TJP3: variants seen among roughly 807,000 people sequenced by gnomAD.
TJP3 encodes the protein tight junction protein 3, also known as tight junction protein ZO-3.
Under a neutral mutation model 104.2 loss-of-function variants are expected in TJP3, and 85 were observed. The observed-to-expected ratio is 0.82, with a 90% confidence interval of 0.68 to 0.98. The LOEUF is 0.98. Ranked by LOEUF, TJP3 falls within the 50% of genes least tolerant of loss-of-function variation. TJP3 has a pLI of 0.00. For synonymous variants in TJP3, 550 were observed against 550.6 expected, an observed-to-expected ratio of 1.00 and a Z score of 0.02; for missense variants, 1,367 against 1,322.8, an observed-to-expected ratio of 1.03 and a Z score of -0.52.
Position 3,750,812 on chromosome 19 carries a change from C to T in TJP3, c.*128C>T. On this transcript the variant is annotated 3_prime_UTR_variant, in exon 21 of 21. Transcript: ENST00000541714. Reference sequence around the variant, plus strand: ...TTTAATAAACAGAGTATTTTCACAGCACCGGCTTCTAGTGGCTTCCAGGAA... The same window carrying T: ...TTTAATAAACAGAGTATTTTCACAGTACCGGCTTCTAGTGGCTTCCAGGAA... 1 of 1,013,602 alleles carries T rather than the reference C, an allele frequency of 9.9e-7. No individual in the cohort carries two copies. The highest frequency in any genetic ancestry group is 1.5e-6 in the Non-Finnish European group (1 of 676,272). 62.8% of individuals were successfully genotyped at this position (1,013,602 alleles called of 1,614,324 possible).
intron 3 of TJP3, among the ~76,000 whole-genome samples, chr19:3,729,333 A>G (rs1599150994): frequency 6.6e-6 from 1 of 152,178 alleles, no homozygotes; most frequent in Non-Finnish European, 1.5e-5. Flanking sequence ...GACAGGTGAT[A>G]TGGCTCAGCC....
At chr19:3,720,151 G>C (rs1488953530) in intron 1 of TJP3, among the ~76,000 whole-genome samples, 3 of 152,226 alleles carry the variant, frequency 2.0e-5, no homozygotes, top group Admixed American at 2.0e-4. Flanking sequence ...TAAGTTGTCT[G>C]AGGTCACACA....
rs541861795 is a variant in TJP3, at chr19:3,746,267, C to T, written c.2010+186C>T. 2.5e-4 allele frequency among the ~76,000 whole-genome samples: 38 copies of T among 152,204 alleles called. No homozygotes were observed. The highest frequency in any genetic ancestry group is 8.4e-4 in the African/African-American group (35 of 41,522). ...ACAAGGGCTTCTCGGAGTCAAACAG[C>T]AGCCAGCCCTGGGCAAAGGCAGAGA... On this transcript the variant is annotated intron_variant, in intron 16 of 20. Coordinates refer to ENST00000541714, the MANE Select transcript of TJP3 (RefSeq NM_001267560.2). This position sits in a 1 kb window ranked among gnomAD's most constrained non-coding sequence, Gnocchi z 4.1.
Position 3,740,503 on chromosome 19 carries a change from C to A in TJP3, c.1632-49C>A, listed in dbSNP as rs921814107. 5 of 1,238,840 alleles carry A rather than the reference C, an allele frequency of 4.0e-6. No individual in the cohort carries two copies. In the African/African-American group the frequency reaches 6.2e-5, roughly 15 times the overall value. The allele number at this position is 1,238,840 out of a possible 1,614,324, so 76.7% of individuals were successfully genotyped here. A position where few individuals can be genotyped will look rare whatever the true frequency, so the allele number is the denominator to read the frequency against. Reference sequence around the variant, plus strand: ...GGTAGGACGAGGACGTCTTTGGGGCCACCATGCTGCTGACCCCAGTGCTCA... The same window carrying A: ...GGTAGGACGAGGACGTCTTTGGGGCAACCATGCTGCTGACCCCAGTGCTCA... On this transcript the variant is annotated intron_variant, in intron 13 of 20. Transcript: ENST00000541714.
At chr19:3,736,077 A>T in intron 10 of TJP3, 88 bp from the exon 11 acceptor site, 2 of 1,435,064 alleles carry the variant, frequency 1.4e-6, no homozygotes, top group Non-Finnish European at 1.9e-6. Flanking sequence ...TGAGGCCTGG[A>T]GGGGGTGGGG....
At chr19:3,742,585 C>G (rs534294324) in intron 14 of TJP3, among the ~76,000 whole-genome samples, 1 of 144,268 alleles carries the variant, frequency 6.9e-6, no homozygotes, top group South Asian at 2.3e-4. Flanking sequence ...GTGGATGGAC[C>G]TTGAGAAAAG....
rs369569292 is a variant in TJP3, at chr19:3,712,080, C to T, written c.-10+3519C>T. On this transcript the variant is annotated intron_variant, in intron 1 of 20. Transcript: ENST00000541714. ...CCTGTAATCCCAGCATTTTGGGAGGCCAAGGCAGGTGGGTCACTTGAGCCC... is the reference window on the plus strand; with the variant it reads ...CCTGTAATCCCAGCATTTTGGGAGGTCAAGGCAGGTGGGTCACTTGAGCCC... Among the ~76,000 whole-genome samples, 14 of 152,198 alleles carry T rather than the reference C, an allele frequency of 9.2e-5. No homozygotes were observed. The South Asian group carries it at 2.9e-3, about 32-fold the overall frequency.
chr19:3,738,036 GCTGTGT>G (rs1402970398), intron 11 of TJP3, among the ~76,000 whole-genome samples: 1 of 151,714 alleles, frequency 6.6e-6, no homozygotes, highest in Admixed American at 6.6e-5. Context: ...AGAGCAGGTG[GCTGTGT>G]CTGTATATTG....
Position 3,736,116 on chromosome 19 carries a change from C to T in TJP3, c.1128-49C>T, listed in dbSNP as rs372997257. ...TTCCCAAGGACAATGCTGAGCCCTC[C>T]CTTTGTCCGCCCACTCTGCTCTGAC... On this transcript the variant is annotated intron_variant, in intron 10 of 20. Transcript: ENST00000541714. 5.1e-6 allele frequency: 8 copies of T among 1,561,054 alleles called. No homozygotes were observed. In the East Asian group the frequency reaches 6.7e-5, roughly 13 times the overall value.
chr19:3,746,167 C>A lies in TJP3; in HGVS notation c.2010+86C>A. 1 of 1,322,694 alleles carries A rather than the reference C, an allele frequency of 7.6e-7. No individual in the cohort carries two copies. The highest frequency in any genetic ancestry group is 1.1e-6 in the Non-Finnish European group (1 of 940,414). The allele number at this position is 1,322,694 out of a possible 1,614,324, so 81.9% of individuals were successfully genotyped here. A position where few individuals can be genotyped will look rare whatever the true frequency, so the allele number is the denominator to read the frequency against. Reference sequence around the variant, plus strand: ...CCAACTGAATGTCCTGACCTGTTCTCAGCCCACACCCCACAAGTGCAGTCT... The same window carrying A: ...CCAACTGAATGTCCTGACCTGTTCTAAGCCCACACCCCACAAGTGCAGTCT... On this transcript the variant is annotated intron_variant, in intron 16 of 20. Transcript: ENST00000541714. This position sits in a 1 kb window ranked among gnomAD's most constrained non-coding sequence, Gnocchi z 4.1.
intron 1 of TJP3, among the ~76,000 whole-genome samples, chr19:3,724,112 C>T (rs377474757): frequency 3.3e-5 from 5 of 151,984 alleles, no homozygotes; most frequent in Non-Finnish European, 5.9e-5. Context: ...GAGACGAACC[C>T]GCACAAGCTG....
At chr19:3,718,824 T>C (rs2036515909) in intron 1 of TJP3, among the ~76,000 whole-genome samples, 2 of 152,026 alleles carry the variant, frequency 1.3e-5, no homozygotes, top group South Asian at 2.1e-4. Flanking sequence ...CCTTGACGTG[T>C]GCGGGCCGGT....
chr19:3,742,467 A>G (rs927359242), intron 14 of TJP3, among the ~76,000 whole-genome samples: 1 of 151,306 alleles, frequency 6.6e-6, no homozygotes, highest in Non-Finnish European at 1.5e-5. Context: ...GGAAGGGAAG[A>G]GATTAAGCTC....
Position 3,735,931 on chromosome 19 carries a change from C to CGTG in TJP3, c.1125_1127dup (p.Gly376dup). Reference sequence around the variant, plus strand: ...GCCCAGCAGTCAGAGCATGGAGGATCGTGGGTATGTACCCCAGAAGAAAGC... The same window carrying CGTG: ...GCCCAGCAGTCAGAGCATGGAGGATCGTGGTGGGTATGTACCCCAGAAGAAAGC... On this transcript the variant is annotated inframe_insertion, in exon 10 of 21. Transcript: ENST00000541714. 1 of 1,614,128 alleles carries CGTG rather than the reference C, an allele frequency of 6.2e-7. No individual in the cohort carries two copies. Among genetic ancestry groups the CGTG allele is most frequent in the Non-Finnish European group, 8.5e-7 (1 of 1,180,024 alleles).
At chr19:3,750,461 A>G in intron 20 of TJP3, 121 bp from the exon 21 acceptor site, 10 of 864,474 alleles carry the variant, frequency 1.2e-5, no homozygotes, top group Non-Finnish European at 1.8e-5. Context: ...CTACCCATGA[A>G]TGCCCAGATG....
Position 3,733,754 on chromosome 19 carries a change from T to A in TJP3, c.719T>A (p.Ile240Asn). 3.7e-6 allele frequency: 6 copies of A among 1,614,152 alleles called. No homozygotes were observed. In the South Asian group the frequency reaches 6.6e-5, roughly 18 times the overall value. ...TCTTTCATTCCTGGTCCCTTTCAGA[T>A]CAACGGGGTGTCTAGCCAGAACCTG... ...GLQEGDLILQ[I>N]NGVSSQNLSL... The change falls in exon 7 of 21, where the codon ATC becomes AAC. Residue 240 changes from isoleucine to asparagine, a missense_variant and splice_region_variant. Ile to Asn is a moderately radical substitution (Grantham distance 149). Transcript: ENST00000541714.
At chr19:3,735,430 C>G in intron 8 of TJP3, 136 bp from the exon 9 acceptor site, 1 of 805,200 alleles carries the variant, frequency 1.2e-6, no homozygotes, top group Non-Finnish European at 2.1e-6. Context: ...AAATCCTGAC[C>G]TCAGGTGATC....
intron 5 of TJP3, among the ~76,000 whole-genome samples, chr19:3,731,017 C>T (rs2036664534): frequency 6.6e-6 from 1 of 152,170 alleles, no homozygotes; most frequent in Non-Finnish European, 1.5e-5. Context: ...CATCTTCTTG[C>T]TCCTCGCTCC....
chr19:3,722,436 T>C (rs957362856), intron 1 of TJP3, among the ~76,000 whole-genome samples: 97 of 152,050 alleles, frequency 6.4e-4, no homozygotes, highest in Admixed American at 3.5e-3. Context: ...GGGGTGGCTT[T>C]GGTGAACATT....
Sources: gnomAD v4.1 joint callset for allele counts (sites outside exome capture counted in the v4.1 genomes callset) on GRCh38, gnomAD v4.1.1 for gene constraint, Gnocchi (gnomAD v3.1) non-coding constraint, MANE v1.5 for transcripts, NCBI Gene and HGNC (gene_info 2026-07-23, HGNC 2026-07-21) for gene names.